Variants in MACF1 observed in about 807,000 individuals in gnomAD.
The protein encoded by MACF1 is microtubule actin crosslinking factor 1.
Under a neutral mutation model 854.8 loss-of-function variants are expected in MACF1, and 193 were observed. The observed-to-expected ratio is 0.23, with a 90% confidence interval of 0.20 to 0.25. The LOEUF (loss-of-function observed/expected upper bound fraction) is 0.25, where lower values mean the gene tolerates loss of function less well. MACF1 is among the 10% of genes least tolerant of loss of function. MACF1 has a pLI of 1.00. For synonymous variants in MACF1, 3,185 were observed against 3,226.7 expected, an observed-to-expected ratio of 0.99 and a Z score of 0.44; for missense variants, 7,722 against 8,929.1, an observed-to-expected ratio of 0.86 and a Z score of 5.45.
chr1:39,319,752 C>A lies in MACF1; in HGVS notation c.4029+5C>A, dbSNP rs146105375. On this transcript the variant is annotated splice_donor_5th_base_variant and intron_variant, in intron 31 of 100. Coordinates refer to ENST00000564288, the MANE Select transcript of MACF1 (RefSeq NM_001394062.1). ...CAGTACTCTACTATTGTAAAGGTAA[C>A]TTTACCACATCCCAAAAAGAACATG... 1,887 of 1,598,288 alleles carry A rather than the reference C, an allele frequency of 1.2e-3. 19 individuals are homozygous for A. In the African/African-American group the frequency reaches 0.019, roughly 16 times the overall value.
rs779637749 is a variant in MACF1, at chr1:39,335,270, T to TA, written c.8685dup (p.Glu2896ArgfsTer4). 1 of 1,613,904 alleles carries TA rather than the reference T, an allele frequency of 6.2e-7. No homozygotes were observed. Among genetic ancestry groups the TA allele is most frequent in the Non-Finnish European group, 8.5e-7 (1 of 1,179,954 alleles). On this transcript the variant is annotated frameshift_variant, in exon 37 of 101. Coordinates refer to ENST00000564288, the MANE Select transcript of MACF1 (RefSeq NM_001394062.1). LOFTEE classifies it high-confidence loss of function. Reference sequence around the variant, plus strand: ...CTTACTCTGAATGTGATTTTAAACTTAAAGAAGTGGCTAGAAATAACATGG... The same window carrying TA: ...CTTACTCTGAATGTGATTTTAAACTTAAAAGAAGTGGCTAGAAATAACATGG...
intron 97 of MACF1, among the ~76,000 whole-genome samples, chr1:39,476,299 G>A (rs1013982660): frequency 6.6e-6 from 1 of 152,160 alleles, no homozygotes; most frequent in Non-Finnish European, 1.5e-5. Context: ...GGCTGGGCGC[G>A]GTGGCTCATG....
chr1:39,228,902 C>T (rs1644747555), intron 1 of MACF1, among the ~76,000 whole-genome samples: 1 of 152,252 alleles, frequency 6.6e-6, no homozygotes, highest in Non-Finnish European at 1.5e-5. Flanking sequence ...GATCTGCCCA[C>T]CTCAGCCTCC....
intron 1 of MACF1, among the ~76,000 whole-genome samples, chr1:39,226,645 T>C (rs572343869): frequency 6.0e-4 from 91 of 152,060 alleles, no homozygotes; most frequent in Non-Finnish European, 1.8e-4. Flanking sequence ...GGCCTATGGA[T>C]AGTAAAATTA....
At chr1:39,167,345 C>T (rs1046739840) in intron 2 of MACF1, among the ~76,000 whole-genome samples, 5 of 150,558 alleles carry the variant, frequency 3.3e-5, no homozygotes, top group Non-Finnish European at 5.9e-5. Context: ...GAGGCTGAGG[C>T]GGGTGGATCA....
chr1:39,224,673 C>G (rs1024818436), intron 1 of MACF1, among the ~76,000 whole-genome samples: 2 of 151,908 alleles, frequency 1.3e-5, no homozygotes, highest in Non-Finnish European at 2.9e-5. Flanking sequence ...AGAGAGAGAG[C>G]AGTTGAAGAT....
chr1:39,322,828 A>C, intron 32 of MACF1, 82 bp from the exon 33 acceptor site: 3 of 1,502,920 alleles, frequency 2.0e-6, no homozygotes, highest in Non-Finnish European at 9.3e-7. Flanking sequence ...ATGTGACTGC[A>C]TGAACATTTC....
At chr1:39,219,761 C>CT (rs1043801509) in intron 1 of MACF1, among the ~76,000 whole-genome samples, 1 of 152,076 alleles carries the variant, frequency 6.6e-6, no homozygotes, top group Non-Finnish European at 1.5e-5. Context: ...GAAAAGCAGT[C>CT]TTTTTTTGAG....
At chr1:39,208,266 T>C (rs1236509098) in intron 1 of MACF1, among the ~76,000 whole-genome samples, 1 of 151,796 alleles carries the variant, frequency 6.6e-6, no homozygotes, top group Non-Finnish European at 1.5e-5. Context: ...TTTTAAAAAC[T>C]CACAGCTCTA....
chr1:39,449,434 T>G (rs1644290199), intron 84 of MACF1, among the ~76,000 whole-genome samples: 1 of 152,192 alleles, frequency 6.6e-6, no homozygotes. Context: ...AGTCTCACTC[T>G]GTCACCCAGG....
intron 2 of MACF1, among the ~76,000 whole-genome samples, chr1:39,123,928 G>A (rs912017402): frequency 1.3e-5 from 2 of 151,632 alleles, no homozygotes; most frequent in East Asian, 1.9e-4. Flanking sequence ...GGGTTTCACT[G>A]TGTTGGCCAG....
At chr1:39,475,324 C>G (rs1399754549) in intron 97 of MACF1, among the ~76,000 whole-genome samples, 1 of 152,046 alleles carries the variant, frequency 6.6e-6, no homozygotes, top group Non-Finnish European at 1.5e-5. Flanking sequence ...CAAAAATTAG[C>G]CAGGCAAGGT....
At position 39,379,120 on chromosome 1, in the gene MACF1, G is replaced by A. The variant is rs1008192017; in HGVS notation, c.13277-83G>A. 7.3e-6 allele frequency: 10 copies of A among 1,362,866 alleles called. No individual in the cohort carries two copies. The African/African-American group carries it at 1.2e-4, about 16-fold the overall frequency. 84.4% of individuals were successfully genotyped at this position (1,362,866 alleles called of 1,614,324 possible). On this transcript the variant is annotated intron_variant, in intron 53 of 100. Transcript: ENST00000564288. ...CTAATTCACTAGAAGGAGTAAGAGAGATGCAAGTAATTTAGGAGTGAGGAG... is the reference window on the plus strand; with the variant it reads ...CTAATTCACTAGAAGGAGTAAGAGAAATGCAAGTAATTTAGGAGTGAGGAG...
At chr1:39,163,208 G>A (rs143026914) in intron 2 of MACF1, among the ~76,000 whole-genome samples, 9,570 of 151,864 alleles carry the variant, frequency 0.063, 410 homozygotes, top group Non-Finnish European at 0.096. Flanking sequence ...AAAATTAGCC[G>A]AGTGTGGTGG....
intron 90 of MACF1, chr1:39,458,791 A>C: frequency 2.0e-6 from 1 of 494,298 alleles, no homozygotes; most frequent in Non-Finnish European, 3.5e-6. Flanking sequence ...TAATTTAATC[A>C]ACACAACAGC....
At chr1:39,319,568 T>C in intron 30 of MACF1, 96 bp from the exon 31 acceptor site, 1 of 807,186 alleles carries the variant, frequency 1.2e-6, no homozygotes, top group Non-Finnish European at 2.0e-6. Context: ...CTGATGCAGC[T>C]AAGGTTTGGA....
intron 89 of MACF1, among the ~76,000 whole-genome samples, chr1:39,455,861 A>G (rs138194416): frequency 1.8e-4 from 28 of 152,352 alleles, no homozygotes; most frequent in Middle Eastern, 6.8e-3. Context: ...ATTTTTAACC[A>G]TAATCATTTA....
chr1:39,294,850 T>G lies in MACF1; in HGVS notation c.2155-196T>G, dbSNP rs115694786. On this transcript the variant is annotated intron_variant, in intron 18 of 100. Transcript: ENST00000564288. ...ACATCTGGGTCAGGTCCCATGTCCTTTGTGAATCATTTTCCAATAATTCCA... is the reference window on the plus strand; with the variant it reads ...ACATCTGGGTCAGGTCCCATGTCCTGTGTGAATCATTTTCCAATAATTCCA... Among the ~76,000 whole-genome samples the G allele has an allele frequency of 4.1e-3, 622 of 152,330 alleles. 1 individual carries two copies. The highest frequency in any genetic ancestry group is 7.2e-3 in the Non-Finnish European group (492 of 68,030).
Position 39,120,239 on chromosome 1 carries a change from C to CATAAG in MACF1, c.220+35802_220+35806dup, listed in dbSNP as rs199878403. Among the ~76,000 whole-genome samples, 1,309 of 152,180 alleles carry CATAAG rather than the reference C, an allele frequency of 8.6e-3. 11 individuals carry two copies. Among genetic ancestry groups the CATAAG allele is most frequent in the Middle Eastern group, 0.027 (8 of 294 alleles). On this transcript the variant is annotated intron_variant, in intron 2 of 93. Transcript: ENST00000361689. Reference sequence around the variant, plus strand: ...TCTATTTCATAGAATTTTAAAACTGCATAAGCCTTTAACCTCTGTTTCTCA... The same window carrying CATAAG: ...TCTATTTCATAGAATTTTAAAACTGCATAAGATAAGCCTTTAACCTCTGTTTCTCA...
Sources: gnomAD v4.1 joint callset for allele counts (sites outside exome capture counted in the v4.1 genomes callset) on GRCh38, gnomAD v4.1.1 for gene constraint, MANE v1.5 for transcripts, NCBI Gene and HGNC (gene_info 2026-07-23, HGNC 2026-07-21) for gene names.